Variants in SHC4 observed in about 807,000 individuals in gnomAD.
SHC4 encodes SHC-transforming protein 4.
SHC4 carries 41 observed loss-of-function variants against 69.4 expected under a neutral mutation model. The observed-to-expected ratio is 0.59, with a 90% CI of 0.46 to 0.77. The LOEUF (loss-of-function observed/expected upper bound fraction) is 0.77, where lower values mean the gene tolerates loss of function less well. SHC4 is among the 30% of genes least tolerant of loss of function. The pLI is 0.00. For synonymous variants in SHC4, 318 were observed against 299.3 expected, an observed-to-expected ratio of 1.06 and a Z score of -0.64; for missense variants, 777 against 783.8, an observed-to-expected ratio of 0.99 and a Z score of 0.10.
chr15:48,897,178 C>A (rs1173590631), intron 2 of SHC4, among the ~76,000 whole-genome samples: 1 of 152,108 alleles, frequency 6.6e-6, no homozygotes, highest in Non-Finnish European at 1.5e-5. Context: ...AGATTTCCAT[C>A]CTGGGAGCCT....
At chr15:48,858,585 T>C (rs1052482995) in intron 6 of SHC4, among the ~76,000 whole-genome samples, 15 of 152,246 alleles carry the variant, frequency 9.9e-5, no homozygotes, top group Admixed American at 1.3e-4. Flanking sequence ...GCAAATCTGC[T>C]GCTGCCACTG....
intron 2 of SHC4, among the ~76,000 whole-genome samples, chr15:48,903,398 A>C (rs1900349691): frequency 6.6e-6 from 1 of 152,208 alleles, no homozygotes; most frequent in Non-Finnish European, 1.5e-5. Flanking sequence ...AAAAGGAATT[A>C]TATCATTTTT....
chr15:48,870,576 G>A (rs925599509), intron 5 of SHC4, among the ~76,000 whole-genome samples: 2 of 152,076 alleles, frequency 1.3e-5, no homozygotes, highest in Non-Finnish European at 2.9e-5. Flanking sequence ...TAGAAAACAA[G>A]GGTTTGAAAT....
At chr15:48,958,674 G>T (rs1015794833) in intron 1 of SHC4, among the ~76,000 whole-genome samples, 1 of 152,208 alleles carries the variant, frequency 6.6e-6, no homozygotes, top group African/African-American at 2.4e-5. Flanking sequence ...TCATTTTAAA[G>T]AGGAGAACAC....
chr15:48,896,325 C>CT lies in SHC4; in HGVS notation c.657-5515dup, dbSNP rs143971695. On this transcript the variant is annotated intron_variant, in intron 2 of 11. Transcript: ENST00000332408. ...CCCTCTCTCTCTCTTTCTTTTCTTT[C>CT]TTTTTTTTTTTTTGAGACGGAGTCT... 1.6e-3 allele frequency among the ~76,000 whole-genome samples: 176 copies of CT among 110,024 alleles called. 1 individual carries two copies. The highest frequency in any genetic ancestry group is 3.4e-3 in the Admixed American group (34 of 9,984). 72.2% of individuals were successfully genotyped at this position (110,024 alleles called of 152,430 possible).
At chr15:48,852,661 G>T (rs1434486993) in intron 8 of SHC4, among the ~76,000 whole-genome samples, 1 of 152,126 alleles carries the variant, frequency 6.6e-6, no homozygotes, top group Non-Finnish European at 1.5e-5. Context: ...CAGCAATTTT[G>T]GAGGCCAAGG....
In SHC4 at chr15:48,856,182, A is replaced by G. The variant is rs527703700; in HGVS notation, c.1071-58T>C. 41 of 1,504,338 alleles carry G rather than the reference A, an allele frequency of 2.7e-5. No homozygotes were observed. The African/African-American group carries it at 5.3e-4, about 19-fold the overall frequency. The allele number at this position is 1,504,338 out of a possible 1,614,324, so 93.2% of individuals were successfully genotyped here. On this transcript the variant is annotated intron_variant, in intron 7 of 11. Coordinates refer to ENST00000332408, the MANE Select transcript of SHC4 (RefSeq NM_203349.4). ...GGCGAAAATTCAAATACTGTAAGGG[A>G]TGCAAGGGGATCAGAACCAAGCAAA... is the stretch of plus-strand genomic sequence containing the variant.
At chr15:48,857,395 A>C (rs1023705350) in intron 7 of SHC4, among the ~76,000 whole-genome samples, 3 of 152,126 alleles carry the variant, frequency 2.0e-5, no homozygotes, top group Non-Finnish European at 2.9e-5. Context: ...TCAATTAATT[A>C]ATTCAAAGCT....
At chr15:48,861,842 T>G (rs1309063587) in intron 6 of SHC4, among the ~76,000 whole-genome samples, 1 of 152,254 alleles carries the variant, frequency 6.6e-6, no homozygotes, top group Non-Finnish European at 1.5e-5. Context: ...GTTATTGAAT[T>G]AGGTAGTCAT....
At chr15:48,921,330 C>T (rs1335364553) in intron 2 of SHC4, among the ~76,000 whole-genome samples, 5 of 133,910 alleles carry the variant, frequency 3.7e-5, no homozygotes, top group African/African-American at 8.2e-5. Context: ...GGGAAGTTAT[C>T]GTTTTTTTTT....
chr15:48,940,445 A>G (rs535977533), intron 1 of SHC4, among the ~76,000 whole-genome samples: 1 of 152,292 alleles, frequency 6.6e-6, no homozygotes, highest in African/African-American at 2.4e-5. Flanking sequence ...TTAATTAAAT[A>G]TTTACTGGAG....
chr15:48,830,536 T>C (rs781383400), intron 11 of SHC4, among the ~76,000 whole-genome samples: 23 of 152,186 alleles, frequency 1.5e-4, no homozygotes, highest in Non-Finnish European at 3.2e-4. Context: ...ACTAATGAGT[T>C]GTTGGAACTG....
At chr15:48,954,630 C>T (rs564987852) in intron 1 of SHC4, among the ~76,000 whole-genome samples, 2 of 152,324 alleles carry the variant, frequency 1.3e-5, no homozygotes, top group South Asian at 2.1e-4. Flanking sequence ...AGAAGGCAGG[C>T]AGGCCCTCCC....
chr15:48,937,494 C>T lies in SHC4; in HGVS notation c.586-12545G>A, dbSNP rs142764406. Among the ~76,000 whole-genome samples the T allele has an allele frequency of 7.2e-5, 11 of 152,190 alleles. No homozygotes were observed. The East Asian group carries it at 7.7e-4, about 11-fold the overall frequency. Reference sequence around the variant, plus strand: ...AAGCTGCTGTTCCATGTCATCTTTCCGATCCTGACCTAAAGAAGTTTACCA... The same window carrying T: ...AAGCTGCTGTTCCATGTCATCTTTCTGATCCTGACCTAAAGAAGTTTACCA... On this transcript the variant is annotated intron_variant, in intron 1 of 11. Coordinates refer to ENST00000332408, the MANE Select transcript of SHC4 (RefSeq NM_203349.4).
intron 1 of SHC4, among the ~76,000 whole-genome samples, chr15:48,934,589 T>C (rs958985184): frequency 2.6e-5 from 4 of 152,104 alleles, no homozygotes; most frequent in Non-Finnish European, 5.9e-5. Context: ...GCAATTCCAC[T>C]CCTAGAAATA....
At chr15:48,876,516 T>C (rs906183409) in intron 4 of SHC4, 10 of 594,758 alleles carry the variant, frequency 1.7e-5, no homozygotes, top group East Asian at 2.8e-5. Flanking sequence ...TGTATATATA[T>C]GTAAAGGGGA....
chr15:48,863,019 T>C (rs949128064), intron 6 of SHC4, among the ~76,000 whole-genome samples: 7 of 127,152 alleles, frequency 5.5e-5, no homozygotes, highest in African/African-American at 1.7e-4. Context: ...GCCCCAGACC[T>C]ACTCTCTGGG....
At chr15:48,904,029 T>C (rs765589294) in intron 2 of SHC4, among the ~76,000 whole-genome samples, 3 of 152,224 alleles carry the variant, frequency 2.0e-5, no homozygotes, top group Non-Finnish European at 4.4e-5. Context: ...GACATTAAAG[T>C]ATCTTTTCCT....
intron 1 of SHC4, among the ~76,000 whole-genome samples, chr15:48,956,118 C>T (rs895393382): frequency 1.2e-4 from 19 of 152,162 alleles, no homozygotes; most frequent in Admixed American, 4.6e-4. Flanking sequence ...TCTACTTCCA[C>T]GTCTACTCCA....
Sources: allele counts gnomAD v4.1 joint callset (sites outside exome capture counted in the v4.1 genomes callset), GRCh38; gene constraint gnomAD v4.1.1; transcripts MANE v1.5; gene names NCBI Gene and HGNC (gene_info 2026-07-23, HGNC 2026-07-21).